OCLN: variants seen among roughly 807,000 people sequenced by gnomAD.
OCLN encodes occludin, also known as phosphatase 1, regulatory subunit 115.
A neutral mutation model predicts 47.9 loss-of-function variants in OCLN; 21 were observed. That is an observed-to-expected ratio of 0.44 (90% CI 0.31 to 0.63). The LOEUF (loss-of-function observed/expected upper bound fraction) is 0.63. OCLN is among the 30% of genes least tolerant of loss of function. OCLN has a pLI of 0.08. For synonymous variants in OCLN, 117 were observed against 198.4 expected (o/e 0.59, Z 3.45); for missense variants, 360 against 571.0 (o/e 0.63, Z 3.77).
chr5:69,514,482 A>G (rs983901735), intron 4 of OCLN, among the ~76,000 whole-genome samples: 1 of 152,134 alleles, frequency 6.6e-6, no homozygotes, highest in Non-Finnish European at 1.5e-5. Context: ...TCGTGGGTCA[A>G]GATTGGCAAG....
Position 69,492,825 on chromosome 5 carries a change from C to G in OCLN, c.-144C>G, listed in dbSNP as rs1768175524. The G allele has an allele frequency of 6.6e-6, 1 of 152,580 alleles. No individual in the cohort carries two copies. The highest frequency in any genetic ancestry group is 1.5e-5 in the Non-Finnish European group (1 of 68,378). The allele number at this position is 152,580 out of a possible 1,614,324, so 9.5% of individuals were successfully genotyped here. A position where few individuals can be genotyped will look rare whatever the true frequency, so the allele number is the denominator to read the frequency against. The stretch of plus-strand genomic sequence containing the variant: ...TGAGCGCTGGCGGTCGGTGCGGCGT[C>G]AGGTGCGCCCGCCAGGTGAGCGCGC... On this transcript the variant is annotated 5_prime_UTR_variant, in exon 1 of 9. Coordinates refer to ENST00000396442, the MANE Select transcript of OCLN (RefSeq NM_001205254.2).
chr5:69,511,958 G>A (rs1580557827), intron 3 of OCLN, among the ~76,000 whole-genome samples: 2 of 151,070 alleles, frequency 1.3e-5, no homozygotes, highest in African/African-American at 4.9e-5. Flanking sequence ...AGGAGGTGGA[G>A]GTTGCAGTGA....
intron 4 of OCLN, among the ~76,000 whole-genome samples, chr5:69,529,648 G>A (rs958021944): frequency 2.0e-5 from 3 of 151,982 alleles, no homozygotes; most frequent in Admixed American, 6.6e-5. Flanking sequence ...CTGTCACCCA[G>A]GCTGGAGTAC....
intron 4 of OCLN, among the ~76,000 whole-genome samples, chr5:69,521,973 A>G (rs1334610627): frequency 6.6e-6 from 1 of 151,980 alleles, no homozygotes; most frequent in Admixed American, 6.6e-5. Flanking sequence ...CTCCCACATT[A>G]TTGTGGTCTT....
chr5:69,499,186 C>A (rs1436056267), intron 1 of OCLN, among the ~76,000 whole-genome samples: 1 of 152,138 alleles, frequency 6.6e-6, no homozygotes, highest in Non-Finnish European at 1.5e-5. Context: ...CCTCCCATCT[C>A]AGTCTCTTGA....
chr5:69,493,590 C>G lies in OCLN; in HGVS notation c.-69+690C>G, dbSNP rs932160344. Among the ~76,000 whole-genome samples, 5 of 152,190 alleles carry G rather than the reference C, an allele frequency of 3.3e-5. No individual in the cohort carries two copies. The highest frequency in any genetic ancestry group is 4.8e-5 in the African/African-American group (2 of 41,464). On this transcript the variant is annotated intron_variant, in intron 1 of 8. Coordinates refer to ENST00000396442, the MANE Select transcript of OCLN (RefSeq NM_001205254.2). This position sits in a 1 kb window ranked among gnomAD's most constrained non-coding sequence, Gnocchi z 5.3. ...GCTGGACTTCGAGGGAAGCTGCTCA[C>G]GCTTCGGATTCTCATCCGTGACCAA...
chr5:69,503,117 A>G (rs1374933948), intron 1 of OCLN, among the ~76,000 whole-genome samples: 1 of 152,180 alleles, frequency 6.6e-6, no homozygotes, highest in Non-Finnish European at 1.5e-5. Context: ...AGCACCCAGC[A>G]CGTCGGTAGG....
chr5:69,524,825 T>G (rs944163415), intron 4 of OCLN, among the ~76,000 whole-genome samples: 3 of 152,332 alleles, frequency 2.0e-5, no homozygotes, highest in Middle Eastern at 6.8e-3. Context: ...TAGCTGGGAT[T>G]ATAGGCGTAT....
chr5:69,508,990 T>C, intron 2 of OCLN, 151 bp from the exon 3 acceptor site: 1 of 712,922 alleles, frequency 1.4e-6, no homozygotes, highest in Non-Finnish European at 2.4e-6. Context: ...GCCAATAATC[T>C]TATGTTTTAA....
Position 69,514,970 on chromosome 5 carries a change from C to G in OCLN, c.891+861C>G, listed in dbSNP as rs574967031. ...CCATCCGATTTCTCAATCCTTTCCC[C>G]GCCTTTCCCCCCTTTCTATTCCACA... is the stretch of plus-strand genomic sequence containing the variant. On this transcript the variant is annotated intron_variant, in intron 4 of 8. Transcript: ENST00000396442. 1.7e-4 allele frequency among the ~76,000 whole-genome samples: 26 copies of G among 152,340 alleles called. 1 individual carries two copies. The East Asian group carries it at 4.8e-3, about 28-fold the overall frequency.
intron 6 of OCLN, among the ~76,000 whole-genome samples, chr5:69,547,341 G>A (rs1396086860): frequency 7.5e-6 from 1 of 134,032 alleles, no homozygotes; most frequent in African/African-American, 2.8e-5. Context: ...GGAGGCTGAG[G>A]CAGGTGGATC....
At chr5:69,522,422 A>G (rs993602379) in intron 4 of OCLN, among the ~76,000 whole-genome samples, 1 of 152,180 alleles carries the variant, frequency 6.6e-6, no homozygotes, top group Non-Finnish European at 1.5e-5. Context: ...TAAGATCACC[A>G]GAAGCTTTAG....
At chr5:69,530,577 G>A (rs866498941) in intron 4 of OCLN, 1 of 152,070 alleles carries the variant, frequency 6.6e-6, no homozygotes, top group South Asian at 2.1e-4. Context: ...CCTCTAGACT[G>A]TTGGAGTCTG....
chr5:69,528,279 G>A (rs1008925311), intron 4 of OCLN, among the ~76,000 whole-genome samples: 1 of 152,154 alleles, frequency 6.6e-6, no homozygotes, highest in Non-Finnish European at 1.5e-5. Context: ...TAAACCTGGA[G>A]ATGATCCTTA....
chr5:69,527,575 T>C (rs1769317282), intron 4 of OCLN, among the ~76,000 whole-genome samples: 1 of 152,240 alleles, frequency 6.6e-6, no homozygotes, highest in African/African-American at 2.4e-5. Flanking sequence ...AGTGCTTGTT[T>C]GGCTGCTGGA....
chr5:69,502,703 A>G (rs1181710281), intron 1 of OCLN, among the ~76,000 whole-genome samples: 1 of 152,198 alleles, frequency 6.6e-6, no homozygotes, highest in African/African-American at 2.4e-5. Context: ...CAGTGTCTCC[A>G]GCACTGGGTT....
intron 4 of OCLN, among the ~76,000 whole-genome samples, chr5:69,515,402 A>G (rs1179187219): frequency 2.4e-4 from 25 of 105,998 alleles, no homozygotes; most frequent in South Asian, 1.1e-3. Flanking sequence ...CTGGCCGGGC[A>G]GGGGGCTGAC....
rs1016358363 is a variant in OCLN, at chr5:69,493,982, G to C, written c.-69+1082G>C. On this transcript the variant is annotated intron_variant, in intron 1 of 8. Coordinates refer to ENST00000396442, the MANE Select transcript of OCLN (RefSeq NM_001205254.2). The surrounding 1 kb of genome is among the most constrained non-coding windows in gnomAD (Gnocchi z 5.3). ...GCCCGCTTGGGGAATTACCCTGCTC[G>C]AGGAGGAGGCGGCGGCTTTCCAGGC... Among the ~76,000 whole-genome samples, 1 of 152,212 alleles carries C rather than the reference G, an allele frequency of 6.6e-6. No homozygotes were observed. Among genetic ancestry groups the C allele is most frequent in the Non-Finnish European group, 1.5e-5 (1 of 68,028 alleles).
In OCLN at chr5:69,509,158, C is replaced by G; in HGVS notation, c.68C>G (p.Ala23Gly). The G allele has an allele frequency of 6.2e-7, 1 of 1,613,950 alleles. No homozygotes were observed. The highest frequency in any genetic ancestry group is 8.5e-7 in the Non-Finnish European group (1 of 1,179,800). ...RPDEFKPNHY[A>G]PSNDIYGGEM... ...CATTTCAGCAAACCGAATCATTATG[C>G]ACCAAGCAATGACATATATGGTGGA... Residue 23 changes from alanine to glycine, a missense_variant, in exon 3 of 9, where the codon GCA becomes GGA. Transcript: ENST00000396442.
Sources: allele counts gnomAD v4.1 joint callset (sites outside exome capture counted in the v4.1 genomes callset), GRCh38; gene constraint gnomAD v4.1.1; non-coding constraint Gnocchi (gnomAD v3.1); transcripts MANE v1.5; gene names NCBI Gene and HGNC (gene_info 2026-07-23, HGNC 2026-07-21).